TMEM150B: variants seen among roughly 807,000 people sequenced by gnomAD.
TMEM150B encodes the protein modulator of macroautophagy TMEM150B.
TMEM150B carries 33 observed loss-of-function variants against 25.2 expected under a neutral mutation model. That is an observed-to-expected ratio of 1.31 (90% CI 0.99 to 1.75). The LOEUF (loss-of-function observed/expected upper bound fraction) is 1.75, where lower values mean the gene tolerates loss of function less well. Among genes scored for constraint, TMEM150B ranks in the 40% most tolerant of loss-of-function variants. The pLI is 0.00. For synonymous variants in TMEM150B, 133 were observed against 134.8 expected, an observed-to-expected ratio of 0.99 and a Z score of 0.09; for missense variants, 322 against 306.1, an observed-to-expected ratio of 1.05 and a Z score of -0.39.
intron 2 of TMEM150B, among the ~76,000 whole-genome samples, chr19:55,321,874 T>C (rs1489274155): frequency 6.6e-6 from 1 of 152,100 alleles, no homozygotes; most frequent in African/African-American, 2.4e-5. Context: ...GGCTGGGAGA[T>C]ATGGAGCACT....
rs1298623780 is a variant in TMEM150B, at chr19:55,316,985, A to C, written c.325-19T>G. The C allele has an allele frequency of 4.4e-6, 7 of 1,589,540 alleles. No individual in the cohort carries two copies. Among genetic ancestry groups the C allele is most frequent in the Non-Finnish European group, 6.0e-6 (7 of 1,171,300 alleles). On this transcript the variant is annotated intron_variant, in intron 6 of 7. Transcript: ENST00000326652. Reference sequence around the variant, plus strand: ...TCTTTTCCTGGGAGGAGAAGGGAGAAGTTGGGAGGGAGACTCTGGGAAGGA... The same window carrying C: ...TCTTTTCCTGGGAGGAGAAGGGAGACGTTGGGAGGGAGACTCTGGGAAGGA...
At chr19:55,309,631 C>T (rs2088736194), downstream of TMEM150B, among the ~76,000 whole-genome samples, 2 of 152,148 alleles carry the variant, frequency 1.3e-5, no homozygotes, top group South Asian at 2.1e-4. Context: ...ACACTAATCC[C>T]ATTCATGAAG....
chr19:55,318,475 T>C (rs1297030912), intron 6 of TMEM150B, among the ~76,000 whole-genome samples: 1 of 151,924 alleles, frequency 6.6e-6, no homozygotes, highest in Non-Finnish European at 1.5e-5. Context: ...CTACTAAAAA[T>C]ACAAAAAAAA....
chr19:55,314,265 G>A (rs1050166286), intron 7 of TMEM150B, among the ~76,000 whole-genome samples: 32 of 152,030 alleles, frequency 2.1e-4, no homozygotes, highest in African/African-American at 6.3e-4. Context: ...CATGTCATCC[G>A]CCCGCCTTAG....
downstream of TMEM150B, chr19:55,311,856 G>A: frequency 6.3e-7 from 1 of 1,584,228 alleles, no homozygotes; most frequent in East Asian, 2.3e-5. Context: ...CCCTGGTAAT[G>A]GGAACCCCAA....
chr19:55,324,059 C>T (rs2089274285), intron 1 of TMEM150B, among the ~76,000 whole-genome samples: 2 of 152,098 alleles, frequency 1.3e-5, no homozygotes, highest in South Asian at 4.2e-4. Context: ...CCCCCTGCCT[C>T]AGCCTCCCAA....
rs368608973 is a variant in TMEM150B, at chr19:55,316,811, G to A, written c.480C>T (p.Ser160=). The stretch of plus-strand genomic sequence containing the variant: ...TGGCCACAATGAGGATGGTGCAGAC[G>A]CTGCAGAGGCCCAGGCGGAGGGGCC... ...WIGPLRLGLC[S]VCTILIVAMI... Residue 160 remains serine, a synonymous_variant, in exon 7 of 8, where the codon AGC becomes AGT. Transcript: ENST00000326652. The A allele has an allele frequency of 1.6e-5, 25 of 1,562,604 alleles. No individual in the cohort carries two copies. The highest frequency in any genetic ancestry group is 6.0e-5 in the South Asian group (5 of 83,374).
At chr19:55,316,521 C>T (rs188151750) in intron 7 of TMEM150B, among the ~76,000 whole-genome samples, 118 of 152,164 alleles carry the variant, frequency 7.8e-4, no homozygotes, top group African/African-American at 2.7e-3. Flanking sequence ...CTGTCGTTAT[C>T]CACATTTGAG....
chr19:55,311,647 T>C (rs924149277), downstream of TMEM150B, among the ~76,000 whole-genome samples: 1 of 152,116 alleles, frequency 6.6e-6, no homozygotes, highest in Non-Finnish European at 1.5e-5. Flanking sequence ...CCAGGCCCCC[T>C]TGGACTAACC....
Position 55,316,769 on chromosome 19 carries a change from G to A in TMEM150B, c.505+17C>T, listed in dbSNP as rs561107321. The A allele has an allele frequency of 9.9e-5, 147 of 1,483,810 alleles. No homozygotes were observed. The highest frequency in any genetic ancestry group is 2.0e-4 in the Middle Eastern group (1 of 4,990). The allele number at this position is 1,483,810 out of a possible 1,614,324, so 91.9% of individuals were successfully genotyped here. A position where few individuals can be genotyped will look rare whatever the true frequency, so the allele number is the denominator to read the frequency against. On this transcript the variant is annotated intron_variant, in intron 7 of 7. Transcript: ENST00000326652. The stretch of plus-strand genomic sequence containing the variant: ...AAGAGCCACCTCCAAGCCCTACCCC[G>A]GATACAAGAAGGATACTGGCCACAA...
intron 1 of TMEM150B, 88 bp from the exon 2 acceptor site, chr19:55,322,831 G>A (rs951283616): frequency 5.2e-6 from 3 of 576,882 alleles, no homozygotes; most frequent in Non-Finnish European, 6.6e-6. Flanking sequence ...CCAAACCACC[G>A]TGTCCTGTCT....
intron 6 of TMEM150B, among the ~76,000 whole-genome samples, chr19:55,318,681 A>G (rs1232918580): frequency 1.3e-5 from 2 of 152,194 alleles, no homozygotes; most frequent in Non-Finnish European, 2.9e-5. Flanking sequence ...TCCATGGGCA[A>G]TGAGTGACCT....
chr19:55,321,824 C>T (rs1360618294), intron 2 of TMEM150B, among the ~76,000 whole-genome samples: 2 of 152,146 alleles, frequency 1.3e-5, no homozygotes, highest in African/African-American at 4.8e-5. Context: ...GAGTGAGGGC[C>T]TCAGGTCGGC....
downstream of TMEM150B, chr19:55,311,989 C>G (rs1243665970): frequency 2.6e-6 from 4 of 1,563,364 alleles, no homozygotes; most frequent in South Asian, 4.6e-5. Context: ...CGCCCAGACC[C>G]AGAGCTGAGC....
intron 5 of TMEM150B, 26 bp downstream of exon 5, chr19:55,320,365 G>A (rs1359907833): frequency 6.6e-7 from 1 of 1,520,712 alleles, no homozygotes; most frequent in Non-Finnish European, 8.8e-7. Context: ...TGGGAGCACT[G>A]AACCAAAGGG....
At chr19:55,315,571 C>T (rs1033369621) in intron 7 of TMEM150B, among the ~76,000 whole-genome samples, 4 of 152,136 alleles carry the variant, frequency 2.6e-5, no homozygotes, top group Admixed American at 2.6e-4. Context: ...ACCATCCTGG[C>T]TAACATGGTG....
At chr19:55,323,315 C>G (rs1330759140) in intron 1 of TMEM150B, among the ~76,000 whole-genome samples, 2 of 151,792 alleles carry the variant, frequency 1.3e-5, no homozygotes, top group East Asian at 3.9e-4. Flanking sequence ...GCCTGTAATC[C>G]CAGCTACTCC....
intron 6 of TMEM150B, among the ~76,000 whole-genome samples, chr19:55,317,916 G>A (rs981747788): frequency 3.9e-5 from 6 of 152,076 alleles, no homozygotes; most frequent in East Asian, 1.9e-4. Flanking sequence ...TGGCACCATC[G>A]CACACCAGCC....
rs377575673 is a variant in TMEM150B, at chr19:55,324,871, G to A, written c.-154+401C>T. 345 of 985,198 alleles carry A rather than the reference G, an allele frequency of 3.5e-4. 6 individuals are homozygous for A. In the South Asian group the frequency reaches 0.015, roughly 42 times the overall value. The allele number at this position is 985,198 out of a possible 1,614,324, so 61.0% of individuals were successfully genotyped here. A position where few individuals can be genotyped will look rare whatever the true frequency, so the allele number is the denominator to read the frequency against. On this transcript the variant is annotated intron_variant, in intron 1 of 7. Transcript: ENST00000326652. ...GCCCTCAGGGGAATCCCTGTCTGTG[G>A]GCAACACAGATGATCAGCAGGTGAC...
Sources: allele counts gnomAD v4.1 joint callset (sites outside exome capture counted in the v4.1 genomes callset), GRCh38; gene constraint gnomAD v4.1.1; transcripts MANE v1.5; gene names NCBI Gene and HGNC (gene_info 2026-07-23, HGNC 2026-07-21).